The following TCF20 variants were observed in gnomAD, a reference collection of about 807,000 sequenced individuals.
TCF20 encodes transcription factor 20, also known as SPRE-binding protein.
Under a neutral mutation model 148.6 loss-of-function variants are expected in TCF20, and 3 were observed. That is an observed-to-expected ratio of 0.02 (90% CI 0.01 to 0.05). TCF20 has a LOEUF of 0.05. Ranked by LOEUF, TCF20 falls within the 10% of genes least tolerant of loss-of-function variation. The pLI is 1.00. For synonymous variants in TCF20, 1,049 were observed against 909.5 expected, an observed-to-expected ratio of 1.15 and a Z score of -2.76; for missense variants, 2,350 against 2,429.3, an observed-to-expected ratio of 0.97 and a Z score of 0.69.
At chr22:42,176,321 G>A (rs1337738795) in intron 3 of TCF20, among the ~76,000 whole-genome samples, 5 of 152,172 alleles carry the variant, frequency 3.3e-5, no homozygotes, top group African/African-American at 1.2e-4. Flanking sequence ...TGAAAGGAAT[G>A]GAGACATATG....
At chr22:42,184,068 C>T (rs1833111941) in intron 2 of TCF20, among the ~76,000 whole-genome samples, 1 of 152,144 alleles carries the variant, frequency 6.6e-6, no homozygotes, top group African/African-American at 2.4e-5. Context: ...CGCACCTGGC[C>T]TTAGGTTCTT....
At chr22:42,262,071 C>T (rs1926057525) in intron 1 of TCF20, among the ~76,000 whole-genome samples, 1 of 152,132 alleles carries the variant, frequency 6.6e-6, no homozygotes, top group African/African-American at 2.4e-5. Context: ...GGGCCGTGAA[C>T]AAAAGCAGCA....
At position 42,213,324 on chromosome 22, in the gene TCF20, C is replaced by A; in HGVS notation, c.1982G>T (p.Gly661Val). ...GCCATTCTTGTTTCCTTTGCTCCCTCCTCCTCCTGGAGGCTCTGGCTGGGG... is the reference window on the plus strand; with the variant it reads ...GCCATTCTTGTTTCCTTTGCTCCCTACTCCTCCTGGAGGCTCTGGCTGGGG... ...SLPQPEPPGG[G>V]GSKGNKNGDN... The change falls in exon 2 of 6, where the codon GGA becomes GTA. Residue 661 changes from glycine to valine, a missense_variant. By Grantham distance (109) the Gly-to-Val change is moderately radical. This residue lies in a region of TCF20 where 1,641 missense variants were observed against 1,662.6 expected (regional missense o/e 0.99). Transcript: ENST00000677622. The A allele has an allele frequency of 6.2e-7, 1 of 1,614,220 alleles. No individual in the cohort carries two copies. The highest frequency in any genetic ancestry group is 8.5e-7 in the Non-Finnish European group (1 of 1,180,044).
intron 1 of TCF20, among the ~76,000 whole-genome samples, chr22:42,295,296 C>T (rs1927212195): frequency 1.3e-5 from 2 of 152,164 alleles, no homozygotes; most frequent in Non-Finnish European, 2.9e-5. Flanking sequence ...TGTGAGCCAG[C>T]CCTACCCTTT....
chr22:42,195,630 G>T (rs988198480), intron 2 of TCF20, among the ~76,000 whole-genome samples: 3 of 151,834 alleles, frequency 2.0e-5, no homozygotes, highest in Non-Finnish European at 4.4e-5. Context: ...CTCCCCAGCA[G>T]TTGGGATTAC....
intron 1 of TCF20, among the ~76,000 whole-genome samples, chr22:42,283,611 C>A (rs1601692361): frequency 1.3e-5 from 2 of 152,242 alleles, no homozygotes; most frequent in South Asian, 4.1e-4. Context: ...AAGCTACAGC[C>A]GCCACTCGAG....
chr22:42,246,973 T>TAAAAAAAAAAAA (rs745840080), intron 1 of TCF20, among the ~76,000 whole-genome samples: 1 of 59,890 alleles, frequency 1.7e-5, no homozygotes. Flanking sequence ...CTCAAAAAAT[T>TAAAAAAAAAAAA]AAAAAAAAAA....
At chr22:42,268,849 G>C (rs555092863) in intron 1 of TCF20, among the ~76,000 whole-genome samples, 1 of 152,212 alleles carries the variant, frequency 6.6e-6, no homozygotes, top group African/African-American at 2.4e-5. Flanking sequence ...CAACTTTTAT[G>C]CTCTGTTGAA....
intron 1 of TCF20, among the ~76,000 whole-genome samples, chr22:42,234,837 T>C (rs940774281): frequency 3.3e-5 from 5 of 152,022 alleles, no homozygotes; most frequent in Admixed American, 6.6e-5. Flanking sequence ...AAAAGATCAT[T>C]TCGGTAGCAT....
At chr22:42,302,837 G>A (rs1265057972) in intron 1 of TCF20, among the ~76,000 whole-genome samples, 1 of 152,196 alleles carries the variant, frequency 6.6e-6, no homozygotes, top group Non-Finnish European at 1.5e-5. Context: ...TTCAGGCTGG[G>A]ACCCCGTCAG....
chr22:42,268,097 G>A (rs1374916465), intron 1 of TCF20, among the ~76,000 whole-genome samples: 1 of 152,188 alleles, frequency 6.6e-6, no homozygotes, highest in African/African-American at 2.4e-5. Context: ...AGTGAGCTGA[G>A]ATCGTGCCAC....
In TCF20 at chr22:42,161,226, G is replaced by C. The variant is rs1355845975; in HGVS notation, c.*177C>G. ...TGTCACTGGTTTGAGTGTGATGTGA[G>C]AACTTAAGGAAGTGCTGGCATGGGC... On this transcript the variant is annotated 3_prime_UTR_variant, in exon 6 of 6. Coordinates refer to ENST00000677622, the MANE Select transcript of TCF20 (RefSeq NM_001378418.1). The C allele has an allele frequency of 2.4e-6, 3 of 1,244,642 alleles. No homozygotes were observed. The African/African-American group carries it at 4.7e-5, about 19-fold the overall frequency. 77.1% of individuals were successfully genotyped at this position (1,244,642 alleles called of 1,614,324 possible). A position where few individuals can be genotyped will look rare whatever the true frequency, so the allele number is the denominator to read the frequency against.
intron 1 of TCF20, among the ~76,000 whole-genome samples, chr22:42,322,717 A>G (rs561896607): frequency 1.3e-5 from 2 of 151,692 alleles, no homozygotes; most frequent in East Asian, 1.9e-4. Context: ...GGAATGAATA[A>G]GTGTCTGAGT....
rs770007585 is a variant in TCF20 at position 42,210,729 on chromosome 22, T to C, written c.4577A>G (p.Glu1526Gly). The change falls in exon 2 of 6, where the codon GAG (glutamate) becomes GGG (glycine). Residue 1526 changes from glutamate to glycine, a missense_variant. Around this residue, in one of 7 missense-constraint regions of TCF20, gnomAD observed 231 missense variants for 213.7 expected, o/e 1.08. Coordinates refer to ENST00000677622, the MANE Select transcript of TCF20 (RefSeq NM_001378418.1). This position sits in a 1 kb window ranked among gnomAD's most constrained non-coding sequence, Gnocchi z 4.7. ...GAAATATCCCTTTGGAGGGAAACCCTCTTGCTTCGGTGAAATCGTCACTGT... is the reference window on the plus strand; with the variant it reads ...GAAATATCCCTTTGGAGGGAAACCCCCTTGCTTCGGTGAAATCGTCACTGT... ...NDTVTISPKQ[E>G]GFPPKGYFPS... is the part of the protein sequence containing the mutation. 2 of 1,614,238 alleles carry C rather than the reference T, an allele frequency of 1.2e-6. No homozygotes were observed. Among genetic ancestry groups the C allele is most frequent in the South Asian group, 2.2e-5 (2 of 91,084 alleles).
intron 1 of TCF20, among the ~76,000 whole-genome samples, chr22:42,260,377 T>C (rs1258755059): frequency 1.3e-5 from 2 of 152,192 alleles, no homozygotes. Context: ...GCAATTGACA[T>C]AATCCAATTT....
intron 1 of TCF20, among the ~76,000 whole-genome samples, chr22:42,221,739 G>GTTTTGTTTTTT (rs1555931751): frequency 1.1e-5 from 1 of 92,820 alleles, no homozygotes; most frequent in Non-Finnish European, 1.9e-5. Context: ...ATGGCAAAGG[G>GTTTTGTTTTTT]TTTTTTTTTT....
intron 1 of TCF20, among the ~76,000 whole-genome samples, chr22:42,257,165 T>A (rs1925788958): frequency 6.6e-6 from 1 of 152,150 alleles, no homozygotes; most frequent in Non-Finnish European, 1.5e-5. Context: ...GTCTCAAAAA[T>A]TAAAATAAAA....
intron 1 of TCF20, among the ~76,000 whole-genome samples, chr22:42,321,806 T>G (rs2157297): frequency 0.43 from 65,263 of 151,180 alleles, 15,076 homozygotes; most frequent in East Asian, 0.58. Context: ...AATTAGCTGG[T>G]CATGGTGGCA....
chr22:42,175,888 C>T (rs191614621), intron 3 of TCF20, among the ~76,000 whole-genome samples: 72 of 152,176 alleles, frequency 4.7e-4, no homozygotes, highest in Admixed American at 2.2e-3. Flanking sequence ...GGTCATGCAG[C>T]CCCTCCTGGG....
Sources: gnomAD v4.1 joint callset for allele counts (sites outside exome capture counted in the v4.1 genomes callset) on GRCh38, gnomAD v4.1.1 for gene constraint, gnomAD v4.1.1 regional missense constraint, Gnocchi (gnomAD v3.1) non-coding constraint, MANE v1.5 for transcripts, NCBI Gene and HGNC (gene_info 2026-07-23, HGNC 2026-07-21) for gene names.